ZSCAN30: variants seen among roughly 807,000 people sequenced by gnomAD.
ZSCAN30 encodes zinc finger and SCAN domain containing 30, also known as zinc finger and SCAN domain-containing protein 30.
ZSCAN30 carries 37 observed loss-of-function variants against 44.3 expected under a neutral mutation model. The observed-to-expected ratio is 0.84, with a 90% CI of 0.64 to 1.10. ZSCAN30 has a LOEUF of 1.10. Among genes scored for constraint, ZSCAN30 ranks in the 50% least tolerant of loss-of-function variants. The pLI is 0.00. For synonymous variants in ZSCAN30, 181 were observed against 204.6 expected (o/e 0.88, Z 0.98); for missense variants, 549 against 582.6 (o/e 0.94, Z 0.59).
intron 1 of ZSCAN30, chr18:35,282,198 A>T (rs1193640643): frequency 1.3e-5 from 2 of 152,174 alleles, no homozygotes; most frequent in African/African-American, 4.8e-5. Flanking sequence ...AGTTAACTTT[A>T]TATGTCAGTA....
chr18:35,253,272 C>A lies in ZSCAN30; in HGVS notation c.*178G>T. 4.1e-6 allele frequency: 2 copies of A among 483,066 alleles called. 1 individual carries two copies. Among genetic ancestry groups the A allele is most frequent in the Middle Eastern group, 5.8e-4 (2 of 3,424 alleles). 29.9% of individuals were successfully genotyped at this position (483,066 alleles called of 1,614,324 possible). A position where few individuals can be genotyped will look rare whatever the true frequency, so the allele number is the denominator to read the frequency against. On this transcript the variant is annotated 3_prime_UTR_variant, in exon 4 of 4. Transcript: ENST00000333206. ...TGGAGAAGACTTGGGTAACATTTTT[C>A]TTCCATTTAACACTTCAATAATCAT...
chr18:35,282,698 G>A (rs1320809693), intron 1 of ZSCAN30: 2 of 152,130 alleles, frequency 1.3e-5, no homozygotes, highest in African/African-American at 4.8e-5. Context: ...TCCAACTCCT[G>A]GCCTATGTAT....
At chr18:35,279,590 G>C (rs1316152084) in intron 1 of ZSCAN30, among the ~76,000 whole-genome samples, 1 of 152,198 alleles carries the variant, frequency 6.6e-6, no homozygotes, top group Non-Finnish European at 1.5e-5. Flanking sequence ...TAGTACTGGA[G>C]GCTGGAAAGT....
intron 3 of ZSCAN30, among the ~76,000 whole-genome samples, chr18:35,257,766 T>C (rs536411944): frequency 2.0e-5 from 3 of 152,284 alleles, no homozygotes; most frequent in East Asian, 1.9e-4. Flanking sequence ...TCCACCTTCA[T>C]TGCCCCATCT....
chr18:35,261,025 T>C (rs1014844891), intron 3 of ZSCAN30: 1 of 152,232 alleles, frequency 6.6e-6, no homozygotes, highest in African/African-American at 2.4e-5. Flanking sequence ...AGTTTATTTT[T>C]GTACAAGGTG....
intron 3 of ZSCAN30, chr18:35,261,990 G>T (rs2143695182): frequency 6.6e-6 from 1 of 152,298 alleles, no homozygotes; most frequent in East Asian, 1.9e-4. Flanking sequence ...TTTCCCAGAA[G>T]AATTCAGTGG....
At chr18:35,257,355 T>A (rs558534291) in intron 3 of ZSCAN30, 1 of 152,938 alleles carries the variant, frequency 6.5e-6, no homozygotes, top group South Asian at 2.1e-4. Flanking sequence ...GATGTGAATG[T>A]CTGTGTCTCC....
chr18:35,253,647 C>T lies in ZSCAN30; in HGVS notation c.1288G>A (p.Glu430Lys). 3 of 1,613,658 alleles carry T rather than the reference C, an allele frequency of 1.9e-6. No homozygotes were observed. Among genetic ancestry groups the T allele is most frequent in the Non-Finnish European group, 2.5e-6 (3 of 1,179,924 alleles). ...TCTCCAGTGTGAATTCTTTGATGTT[C>T]AATAAGGATAGAACTCCTACCAAAA... ...KAFGRSSILI[E>K]HQRIHTGEKP... The change falls in exon 4 of 4, where the codon GAA becomes AAA. Residue 430 changes from glutamate (E) to lysine (K), a missense_variant. By Grantham distance (56) the Glu-to-Lys change is moderately conservative (BLOSUM62 1). Transcript: ENST00000333206.
rs748747227 is a variant in ZSCAN30 at position 35,253,953 on chromosome 18, G to A, written c.982C>T (p.Pro328Ser). The change falls in exon 4 of 4, where the codon CCT becomes TCT. Residue 328 changes from proline to serine, a missense_variant. By Grantham distance (74) the Pro-to-Ser change is moderately conservative. Transcript: ENST00000333206. Reference protein sequence around the residue: ...RHQRIHTGERPYACKECGKAF... With the variant: ...RHQRIHTGERSYACKECGKAF... The stretch of plus-strand genomic sequence containing the variant: ...TTGCCACATTCTTTACATGCATAAG[G>A]TCTCTCTCCAGTATGAATTCTCTGA... The A allele has an allele frequency of 3.7e-6, 6 of 1,613,906 alleles. No individual in the cohort carries two copies. Among genetic ancestry groups the A allele is most frequent in the Non-Finnish European group, 5.1e-6 (6 of 1,180,004 alleles).
chr18:35,253,750 G>A lies in ZSCAN30; in HGVS notation c.1185C>T (p.Ser395=). 1 of 1,613,702 alleles carries A rather than the reference G, an allele frequency of 6.2e-7. No individual in the cohort carries two copies. Among genetic ancestry groups the A allele is most frequent in the Non-Finnish European group, 8.5e-7 (1 of 1,179,906 alleles). ...YECGECGKAF[S]RSSALIQHKK... ...TATGCTGAATAAGGGCTGAGCTCCGGCTGAAGGCCTTCCCACATTCTCCAC... is the reference window on the plus strand; with the variant it reads ...TATGCTGAATAAGGGCTGAGCTCCGACTGAAGGCCTTCCCACATTCTCCAC... Residue 395 remains serine (S), a synonymous_variant, in exon 4 of 4, where the codon AGC becomes AGT. Transcript: ENST00000333206.
chr18:35,272,350 G>GTTT (rs35727680), intron 1 of ZSCAN30, among the ~76,000 whole-genome samples: 109 of 137,628 alleles, frequency 7.9e-4, no homozygotes, highest in African/African-American at 1.7e-3. Context: ...ATTTTAGAAA[G>GTTT]TTTTTTTTTT....
chr18:35,272,803 T>G (rs1332278681), intron 1 of ZSCAN30, among the ~76,000 whole-genome samples: 1 of 152,228 alleles, frequency 6.6e-6, no homozygotes, highest in Non-Finnish European at 1.5e-5. Flanking sequence ...TAACTGGACT[T>G]ACAGTTACAC....
chr18:35,253,212 G>T lies in ZSCAN30; in HGVS notation c.*238C>A. ...ATTGATGAGTCTCATCCAGAAATGG[G>T]TTAGGCATTTCAAGGAAATATCTAC... is the stretch of plus-strand genomic sequence containing the variant. On this transcript the variant is annotated 3_prime_UTR_variant, in exon 4 of 4. Transcript: ENST00000333206. The T allele has an allele frequency of 2.5e-6, 1 of 394,890 alleles. No individual in the cohort carries two copies. The highest frequency in any genetic ancestry group is 4.6e-6 in the Non-Finnish European group (1 of 219,150). The allele number at this position is 394,890 out of a possible 1,614,324, so 24.5% of individuals were successfully genotyped here. A position where few individuals can be genotyped will look rare whatever the true frequency, so the allele number is the denominator to read the frequency against.
At chr18:35,271,817 G>A (rs1436413428) in intron 1 of ZSCAN30, among the ~76,000 whole-genome samples, 1 of 152,232 alleles carries the variant, frequency 6.6e-6, no homozygotes, top group Non-Finnish European at 1.5e-5. Context: ...GGCGGCTAAG[G>A]CCCAGCAAGA....
intron 1 of ZSCAN30, chr18:35,285,282 T>C (rs983354685): frequency 1.5e-4 from 6 of 41,156 alleles, no homozygotes; most frequent in Non-Finnish European, 2.8e-4. Context: ...ACAAGGAGAA[T>C]AGACAAAACC....
rs777461354 is a variant in ZSCAN30 at position 35,252,000 on chromosome 18, CAGAG to C, written c.*1446_*1449del. On this transcript the variant is annotated 3_prime_UTR_variant, in exon 4 of 4. Transcript: ENST00000333206. ...TTAAAACTGCCAAAATAAAAATTAG[CAGAG>C]AGAGTTACAGGCAGAGGTTATAGCC... 2.0e-5 allele frequency: 3 copies of C among 152,204 alleles called. No individual in the cohort carries two copies. The highest frequency in any genetic ancestry group is 6.5e-5 in the Admixed American group (1 of 15,272). 9.4% of individuals were successfully genotyped at this position (152,204 alleles called of 1,614,324 possible).
At chr18:35,282,220 G>A (rs1259391959) in intron 1 of ZSCAN30, 2 of 152,184 alleles carry the variant, frequency 1.3e-5, no homozygotes, top group Admixed American at 6.5e-5. Context: ...TTAAGTTATA[G>A]GATATGAAAG....
At chr18:35,285,302 G>A (rs1407925405) in intron 1 of ZSCAN30, 1 of 146,650 alleles carries the variant, frequency 6.8e-6, no homozygotes, top group Admixed American at 6.9e-5. Flanking sequence ...CACAATTATT[G>A]ACAGAGAATT....
chr18:35,276,103 A>G (rs2044362325), intron 1 of ZSCAN30, among the ~76,000 whole-genome samples: 1 of 152,158 alleles, frequency 6.6e-6, no homozygotes, highest in East Asian at 1.9e-4. Context: ...TCTGTAGTTT[A>G]TGTTTCTTGT....
Sources: gnomAD v4.1 joint callset for allele counts (sites outside exome capture counted in the v4.1 genomes callset) on GRCh38, gnomAD v4.1.1 for gene constraint, MANE v1.5 for transcripts, NCBI Gene and HGNC (gene_info 2026-07-23, HGNC 2026-07-21) for gene names.